CACNA2D1: variants seen among roughly 807,000 people sequenced by gnomAD.
CACNA2D1 encodes calcium voltage-gated channel auxiliary subunit alpha2delta 1, also known as voltage-dependent calcium channel subunit alpha-2/delta-1.
Under a neutral mutation model 171.5 loss-of-function variants are expected in CACNA2D1, and 53 were observed. The observed-to-expected ratio is 0.31, with a 90% CI of 0.25 to 0.39. The LOEUF is 0.39. Ranked by LOEUF, CACNA2D1 falls within the 10% of genes least tolerant of loss-of-function variation. CACNA2D1 has a pLI of 1.00. For synonymous variants in CACNA2D1, 442 were observed against 443.1 expected, an observed-to-expected ratio of 1.00 and a Z score of 0.03; for missense variants, 903 against 1,299.8, an observed-to-expected ratio of 0.69 and a Z score of 4.69.
chr7:82,211,151 CTCAA>C (rs1385185881), intron 3 of CACNA2D1, among the ~76,000 whole-genome samples: 1 of 152,096 alleles, frequency 6.6e-6, no homozygotes. Flanking sequence ...CTAGAACACT[CTCAA>C]TCAATTTCCC....
At chr7:82,410,313 G>T (rs1827509974) in intron 1 of CACNA2D1, among the ~76,000 whole-genome samples, 1 of 152,100 alleles carries the variant, frequency 6.6e-6, no homozygotes, top group Admixed American at 6.6e-5. Context: ...GGTTGTGTAG[G>T]GGAGGCCCTA....
At chr7:82,136,353 G>C (rs1455233917) in intron 5 of CACNA2D1, among the ~76,000 whole-genome samples, 2 of 152,132 alleles carry the variant, frequency 1.3e-5, no homozygotes, top group Non-Finnish European at 2.9e-5. Flanking sequence ...ATTGCTAATG[G>C]AGTCCAGAGT....
intron 3 of CACNA2D1, among the ~76,000 whole-genome samples, chr7:82,201,791 G>A (rs2129206454): frequency 6.6e-6 from 1 of 152,322 alleles, no homozygotes; most frequent in East Asian, 1.9e-4. Flanking sequence ...ATTTTGTAGT[G>A]CAGTTCATGC....
chr7:82,303,611 C>A (rs183341975), intron 3 of CACNA2D1, among the ~76,000 whole-genome samples: 2 of 152,128 alleles, frequency 1.3e-5, no homozygotes, highest in Admixed American at 6.5e-5. Flanking sequence ...TGGAACAGAA[C>A]AGAGAACTCA....
At chr7:82,155,414 A>T (rs562365383) in intron 4 of CACNA2D1, among the ~76,000 whole-genome samples, 2 of 152,340 alleles carry the variant, frequency 1.3e-5, no homozygotes, top group African/African-American at 4.8e-5. Flanking sequence ...ATCTGAATCC[A>T]GGTCTATCAA....
At chr7:82,411,895 T>TCA (rs5885295) in intron 1 of CACNA2D1, among the ~76,000 whole-genome samples, 20,113 of 144,714 alleles carry the variant, frequency 0.14, 1,804 homozygotes, top group African/African-American at 0.27. Context: ...AAACTAAATC[T>TCA]CACACACACA....
At chr7:82,268,369 C>A (rs142346626) in intron 3 of CACNA2D1, among the ~76,000 whole-genome samples, 5 of 152,176 alleles carry the variant, frequency 3.3e-5, no homozygotes, top group Non-Finnish European at 7.3e-5. Context: ...TATGATATAA[C>A]CTTTAAAGGT....
chr7:82,394,015 TAAAC>T (rs1563485167), intron 1 of CACNA2D1, among the ~76,000 whole-genome samples: 2 of 151,942 alleles, frequency 1.3e-5, no homozygotes, highest in African/African-American at 2.4e-5. Flanking sequence ...AGTTGAGAAA[TAAAC>T]AAAACTTTAT....
intron 3 of CACNA2D1, among the ~76,000 whole-genome samples, chr7:82,277,031 C>A (rs2129362896): frequency 6.6e-6 from 1 of 152,156 alleles, no homozygotes; most frequent in East Asian, 1.9e-4. Flanking sequence ...CAGGTGGGAG[C>A]CACCCTGCCC....
At chr7:82,241,271 T>A (rs546204104) in intron 3 of CACNA2D1, among the ~76,000 whole-genome samples, 13 of 152,340 alleles carry the variant, frequency 8.5e-5, no homozygotes, top group Middle Eastern at 3.4e-3. Flanking sequence ...TTATCACTTA[T>A]TAAAAATAAA....
intron 5 of CACNA2D1, 113 bp downstream of exon 5, chr7:82,136,522 T>G: frequency 1.4e-6 from 1 of 718,346 alleles, no homozygotes; most frequent in Non-Finnish European, 2.3e-6. Flanking sequence ...ATTTTGCTCA[T>G]GCAGTCTAAC....
intron 3 of CACNA2D1, among the ~76,000 whole-genome samples, chr7:82,184,169 CT>C (rs72155870): frequency 0.38 from 48,849 of 127,074 alleles, 6,512 homozygotes; most frequent in Admixed American, 0.42. Flanking sequence ...TCGGTTTCCT[CT>C]TTTTTTTTTT....
rs569986600 is a variant in CACNA2D1 at position 82,267,955 on chromosome 7, C to T, written c.294+67180G>A. On this transcript the variant is annotated intron_variant, in intron 3 of 38. Transcript: ENST00000356860. The stretch of plus-strand genomic sequence containing the variant: ...CAGCTTGCAGTGAGCCAAGATCGCA[C>T]CATTGCACTCCAGCCTGAGTGACAG... 3.3e-5 allele frequency among the ~76,000 whole-genome samples: 5 copies of T among 152,244 alleles called. No individual in the cohort carries two copies. In the South Asian group the frequency reaches 1.0e-3, roughly 32 times the overall value.
intron 3 of CACNA2D1, among the ~76,000 whole-genome samples, chr7:82,195,986 G>A (rs1798814839): frequency 6.6e-6 from 1 of 152,024 alleles, no homozygotes; most frequent in African/African-American, 2.4e-5. Flanking sequence ...TTATCTAAAT[G>A]TAGTCACTGA....
At position 82,136,654 on chromosome 7, in the gene CACNA2D1, T is replaced by C. The variant is rs1791651642; in HGVS notation, c.377A>G (p.Asn126Ser). The change falls in exon 5 of 39, where the codon AAT becomes AGT. Residue 126 changes from asparagine to serine, a missense_variant. Asn to Ser is a conservative substitution (Grantham distance 46). Around this residue, in one of 5 missense-constraint regions of CACNA2D1, gnomAD observed 189 missense variants for 266.8 expected, o/e 0.71. Coordinates refer to ENST00000356860, the MANE Select transcript of CACNA2D1 (RefSeq NM_000722.4). ...DFASNEVVYY[N>S]AKDDLDPEKN... ...ACTCACATCGAGATCATCCTTTGCA[T>C]TGTAGTAGACAACTTCATTGCTCTA... The C allele has an allele frequency of 6.3e-7, 1 of 1,593,830 alleles. No individual in the cohort carries two copies. Among genetic ancestry groups the C allele is most frequent in the Non-Finnish European group, 8.6e-7 (1 of 1,168,646 alleles).
intron 33 of CACNA2D1, 27 bp from the exon 34 acceptor site, chr7:81,964,135 T>C (rs1317867716): frequency 2.5e-6 from 4 of 1,611,702 alleles, no homozygotes; most frequent in Non-Finnish European, 3.4e-6. Flanking sequence ...TAAGGTCATT[T>C]CAGTAGTCTA....
intron 6 of CACNA2D1, among the ~76,000 whole-genome samples, chr7:82,102,487 C>CACATGCATATATACATATATATAT (rs1812795433): frequency 1.3e-5 from 2 of 151,586 alleles, no homozygotes; most frequent in South Asian, 2.1e-4. Context: ...CATATATATA[C>CACATGCATATATACATATATATAT]ACACACACAC....
Position 81,951,971 on chromosome 7 carries a change from T to TTTTTTTTTTTTTTTGTTG in CACNA2D1, c.3160-1464_3160-1463insCAACAAAAAAAAAAAAAA, listed in dbSNP as rs1554321675. ...TTCCCACCAGCAGTGTACAAAGTGT[T>TTTTTTTTTTTTTTTGTTG]TTTTTTTTTTTTTTTTTTTTAACCA... On this transcript the variant is annotated intron_variant, in intron 38 of 38. Transcript: ENST00000356860. Among the ~76,000 whole-genome samples the TTTTTTTTTTTTTTTGTTG allele has an allele frequency of 8.5e-4, 111 of 130,740 alleles. 1 individual carries two copies. Among genetic ancestry groups the TTTTTTTTTTTTTTTGTTG allele is most frequent in the African/African-American group, 3.0e-3 (109 of 36,214 alleles). 85.8% of individuals were successfully genotyped at this position (130,740 alleles called of 152,430 possible).
chr7:82,321,552 T>G (rs1815890005), intron 3 of CACNA2D1, among the ~76,000 whole-genome samples: 1 of 152,196 alleles, frequency 6.6e-6, no homozygotes, highest in Admixed American at 6.5e-5. Flanking sequence ...CATAAGGTTA[T>G]TCTGAAGATG....
Sources: allele counts gnomAD v4.1 joint callset (sites outside exome capture counted in the v4.1 genomes callset), GRCh38; gene constraint gnomAD v4.1.1; regional missense constraint gnomAD v4.1.1; transcripts MANE v1.5; gene names NCBI Gene and HGNC (gene_info 2026-07-23, HGNC 2026-07-21).